The following PLD5 variants were observed in gnomAD, a reference collection of about 807,000 sequenced individuals.
The protein encoded by PLD5 is inactive phospholipase D5.
PLD5 carries 36 observed loss-of-function variants against 61.1 expected under a neutral mutation model. The ratio of observed to expected loss-of-function variants is 0.59; its 90% CI spans 0.45 to 0.78. The LOEUF (loss-of-function observed/expected upper bound fraction) is 0.78. Ranked by LOEUF, PLD5 falls within the 30% of genes least tolerant of loss-of-function variation. The pLI, the probability that PLD5 is intolerant of heterozygous loss-of-function variation, is 0.00. For synonymous variants in PLD5, 243 were observed against 242.8 expected (o/e 1.00, Z -0.01); for missense variants, 515 against 644.4 (o/e 0.80, Z 2.17).
chr1:242,187,666 G>C (rs1427670332), intron 5 of PLD5, among the ~76,000 whole-genome samples: 2 of 152,108 alleles, frequency 1.3e-5, no homozygotes, highest in Non-Finnish European at 1.5e-5. Context: ...TTCACAGGCT[G>C]TTCCCTTTTC....
At chr1:242,284,662 C>T (rs1000790488) in intron 3 of PLD5, among the ~76,000 whole-genome samples, 1 of 152,176 alleles carries the variant, frequency 6.6e-6, no homozygotes, top group Non-Finnish European at 1.5e-5. Flanking sequence ...GCTTGAGATT[C>T]TGCAGAAACA....
At chr1:242,469,401 G>A (rs183078560) in intron 1 of PLD5, among the ~76,000 whole-genome samples, 25 of 152,298 alleles carry the variant, frequency 1.6e-4, no homozygotes, top group African/African-American at 5.8e-4. Flanking sequence ...TGTGAGTTCA[G>A]CAACATTTCA....
At chr1:242,384,757 T>C (rs866302903) in intron 1 of PLD5, among the ~76,000 whole-genome samples, 10 of 152,330 alleles carry the variant, frequency 6.6e-5, no homozygotes, top group Middle Eastern at 3.4e-3. Context: ...ATCATTTTTC[T>C]TCTTAAAAGA....
At chr1:242,191,627 T>C (rs1409508533) in intron 5 of PLD5, among the ~76,000 whole-genome samples, 3 of 151,758 alleles carry the variant, frequency 2.0e-5, no homozygotes, top group Non-Finnish European at 4.4e-5. Context: ...GAAAAAACTC[T>C]GCAGAAAAAG....
At chr1:242,360,069 G>C (rs372885280) in intron 1 of PLD5, among the ~76,000 whole-genome samples, 3,182 of 152,088 alleles carry the variant, frequency 0.021, 49 homozygotes, top group East Asian at 0.033. Flanking sequence ...ACTCAAAATC[G>C]TAAAGCAATA....
intron 7 of PLD5, among the ~76,000 whole-genome samples, chr1:242,110,087 AT>A (rs1661365574): frequency 7.3e-6 from 1 of 136,562 alleles, no homozygotes; most frequent in Admixed American, 7.6e-5. Context: ...TATTATTATT[AT>A]TATATTATTA....
At chr1:242,120,082 C>T (rs1471425368) in intron 6 of PLD5, among the ~76,000 whole-genome samples, 1 of 152,074 alleles carries the variant, frequency 6.6e-6, no homozygotes, top group Non-Finnish European at 1.5e-5. Flanking sequence ...CAAAAAACTA[C>T]ATAGTATATG....
intron 9 of PLD5, among the ~76,000 whole-genome samples, chr1:242,095,537 C>A (rs1453347917): frequency 6.6e-6 from 1 of 152,128 alleles, no homozygotes; most frequent in Non-Finnish European, 1.5e-5. Flanking sequence ...CGGCCTAAAA[C>A]ATTTAATTCA....
At chr1:242,242,046 T>G (rs35287049) in intron 4 of PLD5, among the ~76,000 whole-genome samples, 1 of 140,346 alleles carries the variant, frequency 7.1e-6, no homozygotes. Flanking sequence ...CACACACACA[T>G]ATGGTTGATG....
chr1:242,470,699 A>AC (rs1261872654), intron 1 of PLD5, among the ~76,000 whole-genome samples: 2 of 152,264 alleles, frequency 1.3e-5, no homozygotes, highest in Admixed American at 1.3e-4. Flanking sequence ...TAATTGATAT[A>AC]CTGGCTCTGC....
At chr1:242,358,182 GTTCAC>G (rs1393892969) in intron 1 of PLD5, among the ~76,000 whole-genome samples, 2 of 152,068 alleles carry the variant, frequency 1.3e-5, no homozygotes, top group African/African-American at 4.8e-5. Flanking sequence ...TGTTTTTGAA[GTTCAC>G]TTAACTTTGT....
intron 3 of PLD5, among the ~76,000 whole-genome samples, chr1:242,270,627 G>A (rs1227936266): frequency 3.3e-5 from 5 of 152,198 alleles, no homozygotes; most frequent in Admixed American, 3.3e-4. Flanking sequence ...TGGGGCTGAG[G>A]GACACTCAAT....
chr1:242,324,016 C>T (rs546940782), intron 2 of PLD5, among the ~76,000 whole-genome samples: 1 of 151,854 alleles, frequency 6.6e-6, no homozygotes, highest in African/African-American at 2.4e-5. Flanking sequence ...CAGATCTTTG[C>T]AGTTAAGCAT....
chr1:242,447,008 G>A (rs1034481984), intron 1 of PLD5, among the ~76,000 whole-genome samples: 1 of 152,138 alleles, frequency 6.6e-6, no homozygotes, highest in African/African-American at 2.4e-5. Flanking sequence ...CAATGCAACA[G>A]GGGTAGTCAT....
At chr1:242,505,560 A>T (rs1668693697) in intron 1 of PLD5, among the ~76,000 whole-genome samples, 2 of 152,012 alleles carry the variant, frequency 1.3e-5, no homozygotes. Context: ...TCATGTGATT[A>T]TGATTTTATT....
At chr1:242,100,623 C>T in intron 9 of PLD5, 45 bp downstream of exon 9, 1 of 1,465,872 alleles carries the variant, frequency 6.8e-7, no homozygotes, top group African/African-American at 1.4e-5. Flanking sequence ...ACTACCACTC[C>T]CTGGGTGACC....
intron 4 of PLD5, 139 bp from the exon 5 acceptor site, chr1:242,220,254 G>T: frequency 8.0e-6 from 9 of 1,131,554 alleles, no homozygotes; most frequent in Non-Finnish European, 1.0e-5. Context: ...ATGTTAGTTT[G>T]GTGGAGAGAA....
At chr1:242,315,761 A>G (rs1676970224) in intron 2 of PLD5, among the ~76,000 whole-genome samples, 1 of 151,856 alleles carries the variant, frequency 6.6e-6, no homozygotes, top group African/African-American at 2.4e-5. Flanking sequence ...ACCATGCCCC[A>G]CTCCTTTAAT....
At chr1:242,283,518 A>T (rs1480642562) in intron 3 of PLD5, among the ~76,000 whole-genome samples, 2 of 152,192 alleles carry the variant, frequency 1.3e-5, no homozygotes, top group Non-Finnish European at 2.9e-5. Context: ...TAAATGTCAC[A>T]TTTGACTATT....
Sources: allele counts gnomAD v4.1 joint callset (sites outside exome capture counted in the v4.1 genomes callset), GRCh38; gene constraint gnomAD v4.1.1; transcripts MANE v1.5; gene names NCBI Gene and HGNC (gene_info 2026-07-23, HGNC 2026-07-21).